The following CADM2 variants were observed in gnomAD, a reference collection of about 807,000 sequenced individuals.
The protein encoded by CADM2 is immunoglobulin superfamily member 4D.
In CADM2, 12 loss-of-function variants were observed where a neutral mutation model predicts 49.8. The ratio of observed to expected loss-of-function variants is 0.24; its 90% CI spans 0.15 to 0.39. CADM2 has a LOEUF of 0.39. Ranked by LOEUF, CADM2 falls within the 10% of genes least tolerant of loss-of-function variation. The pLI is 1.00. For synonymous variants in CADM2, 214 were observed against 175.4 expected (o/e 1.22, Z -1.74); for missense variants, 378 against 492.3 (o/e 0.77, Z 2.20).
intron 1 of CADM2, among the ~76,000 whole-genome samples, chr3:85,660,912 T>TAAA (rs562976361): frequency 1.4e-5 from 2 of 138,264 alleles, no homozygotes; most frequent in East Asian, 2.1e-4. Context: ...ATAATCAAAC[T>TAAA]AAAAAAAAAA....
intron 2 of CADM2, among the ~76,000 whole-genome samples, chr3:85,756,664 T>A (rs534240143): frequency 6.6e-6 from 1 of 152,320 alleles, no homozygotes; most frequent in East Asian, 1.9e-4. Context: ...ATATGTAACC[T>A]ATTTATGAGG....
intron 1 of CADM2, among the ~76,000 whole-genome samples, chr3:85,352,280 GA>G (rs1161191032): frequency 3.9e-5 from 6 of 152,170 alleles, no homozygotes; most frequent in Admixed American, 3.9e-4. Context: ...AGCAGCACTA[GA>G]AGACAAACAC....
chr3:86,057,153 G>A (rs73843588), intron 8 of CADM2, among the ~76,000 whole-genome samples: 10,079 of 152,102 alleles, frequency 0.066, 896 homozygotes, highest in African/African-American at 0.2. Context: ...CATAATAGAT[G>A]GCCCTTGAGT....
chr3:85,300,799 C>T (rs554418182), intron 1 of CADM2, among the ~76,000 whole-genome samples: 2 of 152,130 alleles, frequency 1.3e-5, no homozygotes, highest in Non-Finnish European at 2.9e-5. Context: ...CCAGAAATGT[C>T]GGATTGGGGG....
chr3:85,372,633 A>G (rs2107324189), intron 1 of CADM2, among the ~76,000 whole-genome samples: 1 of 152,168 alleles, frequency 6.6e-6, no homozygotes, highest in African/African-American at 2.4e-5. Flanking sequence ...CTAATACTAG[A>G]AATTCAGTAT....
At chr3:85,876,021 A>C (rs914463783) in intron 3 of CADM2, among the ~76,000 whole-genome samples, 3 of 152,176 alleles carry the variant, frequency 2.0e-5, no homozygotes, top group Admixed American at 1.3e-4. Flanking sequence ...GAGGCTAAGG[A>C]AAATGAAGGC....
At chr3:85,747,851 T>C (rs922334852) in intron 2 of CADM2, among the ~76,000 whole-genome samples, 29 of 152,064 alleles carry the variant, frequency 1.9e-4, no homozygotes, top group African/African-American at 7.0e-4. Flanking sequence ...ATTTTGACAA[T>C]GAGGAGCAGT....
chr3:85,925,425 G>C (rs1480696907), intron 6 of CADM2, among the ~76,000 whole-genome samples: 22 of 152,072 alleles, frequency 1.4e-4, no homozygotes, highest in Non-Finnish European at 8.8e-5. Context: ...AAAAGTACCG[G>C]ATAATTTTCA....
At chr3:85,005,714 T>C (rs1216942035) in intron 1 of CADM2, among the ~76,000 whole-genome samples, 1 of 152,062 alleles carries the variant, frequency 6.6e-6, no homozygotes, top group East Asian at 1.9e-4. Flanking sequence ...ACAGTTTTTT[T>C]TTCTTTTATA....
At chr3:85,125,901 C>G (rs1051902263) in intron 1 of CADM2, among the ~76,000 whole-genome samples, 1 of 152,102 alleles carries the variant, frequency 6.6e-6, no homozygotes, top group Non-Finnish European at 1.5e-5. Context: ...AAATTAGAAG[C>G]CAATCCTCAG....
At chr3:85,791,271 G>A (rs976143952) in intron 2 of CADM2, among the ~76,000 whole-genome samples, 2 of 152,092 alleles carry the variant, frequency 1.3e-5, no homozygotes, top group African/African-American at 4.8e-5. Flanking sequence ...CAGTCCAGTA[G>A]GCTTTAGAAT....
chr3:85,962,122 T>C (rs1724910788), intron 8 of CADM2, among the ~76,000 whole-genome samples: 1 of 151,794 alleles, frequency 6.6e-6, no homozygotes. Context: ...TTTCGCCATG[T>C]TCACCAGGCT....
At chr3:85,242,440 A>G (rs1337356115) in intron 1 of CADM2, among the ~76,000 whole-genome samples, 1 of 151,632 alleles carries the variant, frequency 6.6e-6, no homozygotes, top group Non-Finnish European at 1.5e-5. Flanking sequence ...TTTTGCCTTT[A>G]TAGGAAAATG....
chr3:85,879,852 G>A (rs1316988865), intron 3 of CADM2, among the ~76,000 whole-genome samples: 1 of 152,118 alleles, frequency 6.6e-6, no homozygotes, highest in Admixed American at 6.6e-5. Flanking sequence ...GTGTGCATAT[G>A]TGTAAGTGTG....
At position 85,111,584 on chromosome 3, in the gene CADM2, A is replaced by G. The variant is rs932708281; in HGVS notation, c.61+151916A>G. ...AATCAAATCAATTGAACTCACAGAC[A>G]GAGAGTGTAGAAAGATGAGGCTGGA... On this transcript the variant is annotated intron_variant, in intron 1 of 9. Transcript: ENST00000383699. Among the ~76,000 whole-genome samples, 7 of 152,026 alleles carry G rather than the reference A, an allele frequency of 4.6e-5. No individual in the cohort carries two copies. In the East Asian group the frequency reaches 1.4e-3, roughly 29 times the overall value.
chr3:85,279,060 T>G (rs2043431249), intron 1 of CADM2, among the ~76,000 whole-genome samples: 1 of 151,432 alleles, frequency 6.6e-6, no homozygotes, highest in South Asian at 2.1e-4. Context: ...ATGCATATAC[T>G]GATTAGTTTG....
chr3:85,608,493 A>G (rs545533582), intron 1 of CADM2, among the ~76,000 whole-genome samples: 2 of 152,176 alleles, frequency 1.3e-5, no homozygotes, highest in South Asian at 4.1e-4. Flanking sequence ...GGCTTTTGAA[A>G]CTCCAGTGGT....
rs9754924 is a variant in CADM2 at position 85,029,578 on chromosome 3, G to A, written c.61+69910G>A. Among the ~76,000 whole-genome samples, 744 of 152,336 alleles carry A rather than the reference G, an allele frequency of 4.9e-3. 6 individuals carry two copies. The highest frequency in any genetic ancestry group is 0.017 in the African/African-American group (716 of 41,584). ...ATATTGGAGGTGGCCAAGGCCATTC[G>A]TGTAGTGATTCTCTCTGTTAGAACA... On this transcript the variant is annotated intron_variant, in intron 1 of 9. Coordinates refer to ENST00000383699, the MANE Select transcript of CADM2 (RefSeq NM_001167675.2).
intron 1 of CADM2, among the ~76,000 whole-genome samples, chr3:85,206,532 C>T (rs937658603): frequency 2.0e-5 from 3 of 152,030 alleles, no homozygotes; most frequent in African/African-American, 7.2e-5. Flanking sequence ...TGGTCTTGAT[C>T]ACCTGACCTC....
Sources: gnomAD v4.1 joint callset for allele counts (sites outside exome capture counted in the v4.1 genomes callset) on GRCh38, gnomAD v4.1.1 for gene constraint, MANE v1.5 for transcripts, NCBI Gene and HGNC (gene_info 2026-07-23, HGNC 2026-07-21) for gene names.